Variants in MRPL48 observed in about 807,000 individuals in gnomAD.
MRPL48 encodes large ribosomal subunit protein mL48.
A neutral mutation model predicts 32.9 loss-of-function variants in MRPL48; 16 were observed. The observed-to-expected ratio is 0.49, with a 90% CI of 0.33 to 0.74. MRPL48 has a LOEUF of 0.74. MRPL48 is among the 30% of genes least tolerant of loss of function. The pLI is 0.02. For synonymous variants in MRPL48, 94 were observed against 89.2 expected, an observed-to-expected ratio of 1.05 and a Z score of -0.31; for missense variants, 206 against 245.3, an observed-to-expected ratio of 0.84 and a Z score of 1.07.
At chr11:73,808,377 G>A in intron 3 of MRPL48, 27 bp downstream of exon 3, 1 of 1,595,446 alleles carries the variant, frequency 6.3e-7, no homozygotes, top group Non-Finnish European at 8.6e-7. Context: ...TGATGTAGTT[G>A]GCCTGCTTTA....
chr11:73,827,276 C>T (rs538798066), intron 4 of MRPL48, among the ~76,000 whole-genome samples: 12 of 151,896 alleles, frequency 7.9e-5, no homozygotes, highest in Admixed American at 2.0e-4. Context: ...CCCAACTACT[C>T]GGAAGCCTGA....
intron 5 of MRPL48, among the ~76,000 whole-genome samples, chr11:73,847,563 C>G (rs187903093): frequency 1.2e-4 from 18 of 152,194 alleles, no homozygotes; most frequent in Admixed American, 3.3e-4. Context: ...TCTTCAGCCT[C>G]CCGAGTAGCT....
intron 5 of MRPL48, among the ~76,000 whole-genome samples, chr11:73,849,513 T>C (rs1176912321): frequency 6.6e-6 from 1 of 152,256 alleles, no homozygotes; most frequent in East Asian, 1.9e-4. Context: ...ATATAGTATT[T>C]TTCTTTTTGA....
intron 5 of MRPL48, among the ~76,000 whole-genome samples, chr11:73,857,615 GAC>G (rs1463420049): frequency 3.8e-5 from 4 of 105,382 alleles, no homozygotes; most frequent in Non-Finnish European, 7.2e-5. Flanking sequence ...TTTTTTTTGA[GAC>G]AGAGTCTTGC....
At chr11:73,842,213 A>G (rs1275030876) in intron 4 of MRPL48, 1 of 151,890 alleles carries the variant, frequency 6.6e-6, no homozygotes, top group Non-Finnish European at 1.5e-5. Flanking sequence ...AGCCTCCCAA[A>G]GTGCAGGAAT....
intron 4 of MRPL48, 125 bp from the exon 5 acceptor site, chr11:73,844,682 G>T: frequency 9.2e-7 from 1 of 1,089,256 alleles, no homozygotes; most frequent in Non-Finnish European, 1.3e-6. Context: ...TTGTAGGTGG[G>T]GTAACCTGAG....
Position 73,787,940 on chromosome 11 carries a change from T to C in MRPL48, c.-32T>C. 6.2e-7 allele frequency: 1 copy of C among 1,610,396 alleles called. No individual in the cohort carries two copies. The highest frequency in any genetic ancestry group is 8.5e-7 in the Non-Finnish European group (1 of 1,177,926). ...GCGGCTGCAGGGTCCGGTCTTCGGT[T>C]TGCACAGCTAGAGGCCGCGCAGCAG... On this transcript the variant is annotated 5_prime_UTR_variant, in exon 1 of 8. Transcript: ENST00000310614.
At chr11:73,854,285 ATGTTT>A (rs938558575) in intron 5 of MRPL48, among the ~76,000 whole-genome samples, 5 of 151,860 alleles carry the variant, frequency 3.3e-5, no homozygotes, top group Non-Finnish European at 5.9e-5. Flanking sequence ...AATAGTTTCA[ATGTTT>A]TGTTTGTTTG....
In MRPL48 at chr11:73,825,740, A is replaced by G; in HGVS notation, c.145A>G (p.Lys49Glu). The change falls in exon 4 of 8, where the codon AAG (lysine) becomes GAG (glutamate). Residue 49 changes from lysine to glutamate, a missense_variant. By Grantham distance (56) the Lys-to-Glu change is moderately conservative. Coordinates refer to ENST00000310614, the MANE Select transcript of MRPL48 (RefSeq NM_016055.6). ...GILLSISRPY[K>E]TKPTHGIGKY... ...TCTACTAAGTATCAGTCGGCCCTAC[A>G]AGACAAAGCCCACCCACGGCATTGG... 3 of 1,569,384 alleles carry G rather than the reference A, an allele frequency of 1.9e-6. No individual in the cohort carries two copies. The highest frequency in any genetic ancestry group is 2.6e-6 in the Non-Finnish European group (3 of 1,157,190).
At chr11:73,834,918 A>G (rs1198977376) in intron 4 of MRPL48, among the ~76,000 whole-genome samples, 1 of 151,080 alleles carries the variant, frequency 6.6e-6, no homozygotes, top group Non-Finnish European at 1.5e-5. Context: ...TGCAACCTCA[A>G]ACTCTTGAGT....
chr11:73,829,564 C>T (rs1670536), intron 4 of MRPL48, among the ~76,000 whole-genome samples: 1 of 151,848 alleles, frequency 6.6e-6, no homozygotes, highest in Admixed American at 6.6e-5. Context: ...GAGATGGGGT[C>T]TCACTATAGT....
At chr11:73,828,653 T>C (rs1184875310) in intron 4 of MRPL48, among the ~76,000 whole-genome samples, 1 of 152,020 alleles carries the variant, frequency 6.6e-6, no homozygotes, top group Non-Finnish European at 1.5e-5. Context: ...AAAAGGAAGA[T>C]ACAAAGCGCT....
chr11:73,825,284 ATGTGTGTGTGTGTGTGTG>A (rs66515925), intron 3 of MRPL48, among the ~76,000 whole-genome samples: 6 of 139,912 alleles, frequency 4.3e-5, no homozygotes, highest in African/African-American at 1.3e-4. Flanking sequence ...TTTTTTATAT[ATGTGTGTGTGTGTGTGTG>A]TGTGTGTGTG....
At chr11:73,814,889 G>A (rs1053638197) in intron 3 of MRPL48, among the ~76,000 whole-genome samples, 5 of 151,744 alleles carry the variant, frequency 3.3e-5, no homozygotes, top group African/African-American at 1.2e-4. Context: ...CAGCTACTCC[G>A]GCAGCTGAAG....
intron 1 of MRPL48, among the ~76,000 whole-genome samples, chr11:73,797,574 G>C (rs1947279549): frequency 6.6e-6 from 1 of 152,182 alleles, no homozygotes; most frequent in African/African-American, 2.4e-5. Flanking sequence ...GGTGCACCTG[G>C]TCCGGCCTCG....
At chr11:73,812,738 A>ATATTTATT (rs1555078898) in intron 3 of MRPL48, among the ~76,000 whole-genome samples, 91 of 142,054 alleles carry the variant, frequency 6.4e-4, no homozygotes, top group South Asian at 1.6e-3. Context: ...ATATATATAT[A>ATATTTATT]TATTTATTTA....
chr11:73,857,132 T>C (rs1423634296), intron 5 of MRPL48, among the ~76,000 whole-genome samples: 2 of 148,304 alleles, frequency 1.3e-5, no homozygotes, highest in African/African-American at 2.5e-5. Flanking sequence ...CTTGAAAGCA[T>C]AGACCTTTTT....
intron 4 of MRPL48, among the ~76,000 whole-genome samples, chr11:73,826,907 G>T (rs1007034028): frequency 6.6e-6 from 1 of 151,110 alleles, no homozygotes; most frequent in Non-Finnish European, 1.5e-5. Flanking sequence ...CTCCCGAGTA[G>T]CTGGGATTAC....
At chr11:73,805,106 A>G in intron 2 of MRPL48, 27 bp downstream of exon 2, 2 of 1,531,418 alleles carry the variant, frequency 1.3e-6, no homozygotes, top group Non-Finnish European at 1.8e-6. Context: ...CAATAATTAA[A>G]TATAGGTAAC....
Sources: allele counts gnomAD v4.1 joint callset (sites outside exome capture counted in the v4.1 genomes callset), GRCh38; gene constraint gnomAD v4.1.1; transcripts MANE v1.5; gene names NCBI Gene and HGNC (gene_info 2026-07-23, HGNC 2026-07-21).